The following ZNF804B variants were observed in gnomAD, a reference collection of about 807,000 sequenced individuals.
ZNF804B encodes zinc finger protein 804B.
Under a neutral mutation model 101.4 loss-of-function variants are expected in ZNF804B, and 80 were observed. The ratio of observed to expected loss-of-function variants is 0.79; its 90% confidence interval spans 0.66 to 0.95. The LOEUF is 0.95. Among genes scored for constraint, ZNF804B ranks in the 40% least tolerant of loss-of-function variants. ZNF804B has a pLI of 0.00. For synonymous variants in ZNF804B, 622 were observed against 558.8 expected (o/e 1.11, Z -1.59); for missense variants, 1,673 against 1,561.9 (o/e 1.07, Z -1.20).
chr7:88,833,412 A>G (rs1440231824), intron 1 of ZNF804B, among the ~76,000 whole-genome samples: 1 of 151,914 alleles, frequency 6.6e-6, no homozygotes, highest in Non-Finnish European at 1.5e-5. Context: ...GAGGGTTAAC[A>G]GGTTCTTTAG....
chr7:88,920,786 A>G (rs548484856), intron 1 of ZNF804B, among the ~76,000 whole-genome samples: 7 of 152,142 alleles, frequency 4.6e-5, no homozygotes, highest in Non-Finnish European at 7.4e-5. Flanking sequence ...ATCCATGCAT[A>G]TATTTACTCA....
chr7:89,152,208 A>G (rs950831956), intron 1 of ZNF804B, among the ~76,000 whole-genome samples: 2 of 151,088 alleles, frequency 1.3e-5, no homozygotes, highest in Non-Finnish European at 2.9e-5. Context: ...AAAATATTTC[A>G]TAGCAAATAG....
At chr7:89,058,699 T>C (rs547032923) in intron 1 of ZNF804B, among the ~76,000 whole-genome samples, 2 of 152,092 alleles carry the variant, frequency 1.3e-5, no homozygotes, top group South Asian at 4.1e-4. Flanking sequence ...GTTTTGTTTG[T>C]TTGTTTGTTT....
At chr7:89,100,616 G>C (rs2116337767) in intron 1 of ZNF804B, among the ~76,000 whole-genome samples, 1 of 151,768 alleles carries the variant, frequency 6.6e-6, no homozygotes, top group East Asian at 1.9e-4. Context: ...CTACTCAATA[G>C]GAAAAAATCT....
At chr7:88,994,973 A>G (rs760617527) in intron 1 of ZNF804B, among the ~76,000 whole-genome samples, 3 of 152,042 alleles carry the variant, frequency 2.0e-5, no homozygotes, top group Non-Finnish European at 4.4e-5. Context: ...GAAACATCAG[A>G]TGGTCTGGGC....
intron 2 of ZNF804B, among the ~76,000 whole-genome samples, chr7:89,238,407 C>T (rs1484986656): frequency 6.6e-6 from 1 of 152,160 alleles, no homozygotes; most frequent in Non-Finnish European, 1.5e-5. Context: ...ATTATGGAGT[C>T]ATTGAATCAT....
intron 2 of ZNF804B, among the ~76,000 whole-genome samples, chr7:89,299,732 TTGTCCTAAGAG>T (rs1212191872): frequency 1.1e-4 from 17 of 152,044 alleles, no homozygotes; most frequent in Admixed American, 1.1e-3. Flanking sequence ...TTTGTTTTAT[TTGTCCTAAGAG>T]ACTGAGGGTT....
chr7:88,923,597 G>A (rs566251518), intron 1 of ZNF804B, among the ~76,000 whole-genome samples: 1 of 152,150 alleles, frequency 6.6e-6, no homozygotes, highest in South Asian at 2.1e-4. Flanking sequence ...TTTGCCTTCT[G>A]AAATCTCTGA....
chr7:89,132,552 T>C (rs1790570025), intron 1 of ZNF804B, among the ~76,000 whole-genome samples: 1 of 152,008 alleles, frequency 6.6e-6, no homozygotes. Flanking sequence ...GCTGTGACCT[T>C]AGGTATTATG....
intron 1 of ZNF804B, among the ~76,000 whole-genome samples, chr7:88,867,489 C>G (rs560796271): frequency 5.9e-5 from 9 of 152,302 alleles, no homozygotes; most frequent in African/African-American, 2.2e-4. Context: ...CGTCTTTGTT[C>G]ATCTGCATGC....
rs191902958 is a variant in ZNF804B at position 89,183,851 on chromosome 7, G to A, written c.109-34304G>A. Among the ~76,000 whole-genome samples, 1,006 of 152,140 alleles carry A rather than the reference G, an allele frequency of 6.6e-3. 3 individuals are homozygous for A. The highest frequency in any genetic ancestry group is 0.027 in the Middle Eastern group (8 of 294). On this transcript the variant is annotated intron_variant, in intron 1 of 3. Transcript: ENST00000333190. ...CAGCTTCCAAATTCAGGATCTTGTC[G>A]GGAGGCATGAGTCATTCAGAATCCA...
rs138947284 is a variant in ZNF804B, at chr7:89,082,646, T to C, written c.109-135509T>C. On this transcript the variant is annotated intron_variant, in intron 1 of 3. Coordinates refer to ENST00000333190, the MANE Select transcript of ZNF804B (RefSeq NM_181646.5). ...TGCAGATGAGGTAGAGGTGGACTTA[T>C]TCCTGATTTCAAAATCTTACCATTA... Among the ~76,000 whole-genome samples the C allele has an allele frequency of 8.0e-4, 121 of 151,898 alleles. 1 individual carries two copies. Among genetic ancestry groups the C allele is most frequent in the African/African-American group, 2.6e-3 (106 of 41,536 alleles).
chr7:89,061,974 A>T (rs181449005), intron 1 of ZNF804B, among the ~76,000 whole-genome samples: 1 of 152,014 alleles, frequency 6.6e-6, no homozygotes, highest in South Asian at 2.1e-4. Context: ...ATCACTCCCA[A>T]TTCCTAGGGG....
intron 1 of ZNF804B, among the ~76,000 whole-genome samples, chr7:88,904,812 A>T (rs747378127): frequency 1.9e-4 from 29 of 152,316 alleles, no homozygotes; most frequent in Non-Finnish European, 3.4e-4. Context: ...ATCCTGGAAC[A>T]TTACAAAAGA....
intron 1 of ZNF804B, among the ~76,000 whole-genome samples, chr7:88,912,893 A>G (rs976079775): frequency 1.3e-5 from 2 of 152,206 alleles, no homozygotes; most frequent in Non-Finnish European, 2.9e-5. Flanking sequence ...CAAAAATTCT[A>G]ATAGGAGTGT....
rs936596566 is a variant in ZNF804B at position 88,937,878 on chromosome 7, G to A, written c.108+177794G>A. Among the ~76,000 whole-genome samples, 12 of 150,108 alleles carry A rather than the reference G, an allele frequency of 8.0e-5. No individual in the cohort carries two copies. The East Asian group carries it at 2.4e-3, about 30-fold the overall frequency. ...CTTTGAGAGAGAGAGATTGAGAGAG[G>A]TATGTAGACAAAAAGAATTGAACTG... On this transcript the variant is annotated intron_variant, in intron 1 of 3. Transcript: ENST00000333190.
At chr7:89,295,537 T>A (rs369144366) in intron 2 of ZNF804B, among the ~76,000 whole-genome samples, 4 of 152,160 alleles carry the variant, frequency 2.6e-5, no homozygotes, top group African/African-American at 9.6e-5. Flanking sequence ...ATCAAAACAA[T>A]CAATCTGCTA....
chr7:88,898,924 G>T (rs1217681196), intron 1 of ZNF804B, among the ~76,000 whole-genome samples: 1 of 152,090 alleles, frequency 6.6e-6, no homozygotes, highest in African/African-American at 2.4e-5. Flanking sequence ...AAGACAGAGC[G>T]GTGGGTCCTG....
intron 1 of ZNF804B, among the ~76,000 whole-genome samples, chr7:89,119,079 A>G (rs1305877658): frequency 6.6e-6 from 1 of 152,204 alleles, no homozygotes; most frequent in African/African-American, 2.4e-5. Flanking sequence ...AGTTTAATGA[A>G]AGAGTAAGGG....
Sources: gnomAD v4.1 joint callset for allele counts (sites outside exome capture counted in the v4.1 genomes callset) on GRCh38, gnomAD v4.1.1 for gene constraint, MANE v1.5 for transcripts, NCBI Gene and HGNC (gene_info 2026-07-23, HGNC 2026-07-21) for gene names.